The following SYT10 variants were observed in gnomAD, a reference collection of about 807,000 sequenced individuals.
The protein encoded by SYT10 is synaptotagmin 10, also known as synaptotagmin-10.
In SYT10, 31 loss-of-function variants were observed where a neutral mutation model predicts 51.1. That is an observed-to-expected ratio of 0.61 (90% confidence interval 0.46 to 0.82). The LOEUF (loss-of-function observed/expected upper bound fraction) is 0.82. Among genes scored for constraint, SYT10 ranks in the 40% least tolerant of loss-of-function variants. The pLI, the probability that SYT10 is intolerant of heterozygous loss-of-function variation, is 0.00. For synonymous variants in SYT10, 233 were observed against 225.9 expected (o/e 1.03, Z -0.28); for missense variants, 603 against 634.0 (o/e 0.95, Z 0.53).
chr12:33,427,602 T>C (rs1442365027), intron 1 of SYT10, among the ~76,000 whole-genome samples: 1 of 152,148 alleles, frequency 6.6e-6, no homozygotes, highest in Non-Finnish European at 1.5e-5. Context: ...TCCTGAAAAA[T>C]AAAACGAAAA....
At position 33,406,815 on chromosome 12, in the gene SYT10, A is replaced by T. The variant is rs1216393360; in HGVS notation, c.1051T>A (p.Trp351Arg). Residue 351 changes from tryptophan (W) to arginine (R), a missense_variant, in exon 3 of 7, where the codon TGG becomes AGG. Transcript: ENST00000228567. ...VSDLSREATV[W>R]KDIHCATTES... Reference sequence around the variant, plus strand: ...GTGGTAGCACAGTGAATATCTTTCCATACTGTGGCTTCCCTGGAGAGATCA... The same window carrying T: ...GTGGTAGCACAGTGAATATCTTTCCTTACTGTGGCTTCCCTGGAGAGATCA... 2 of 1,612,668 alleles carry T rather than the reference A, an allele frequency of 1.2e-6. No individual in the cohort carries two copies. Among genetic ancestry groups the T allele is most frequent in the South Asian group, 2.2e-5 (2 of 90,766 alleles).
intron 2 of SYT10, among the ~76,000 whole-genome samples, chr12:33,409,006 T>C (rs567597609): frequency 4.7e-4 from 71 of 152,284 alleles, no homozygotes; most frequent in African/African-American, 1.4e-3. Flanking sequence ...CCATATATTT[T>C]GCTTTCTCTA....
At chr12:33,378,123 T>C (rs962177391) in intron 6 of SYT10, among the ~76,000 whole-genome samples, 2 of 152,198 alleles carry the variant, frequency 1.3e-5, no homozygotes, top group African/African-American at 4.8e-5. Flanking sequence ...CTAGTGAATG[T>C]AGGAGCAGGG....
chr12:33,380,046 A>G lies in SYT10; in HGVS notation c.1371-85T>C, dbSNP rs1866100911. ...CAAATCGTAGTAGAATTTTAAAAATATGATTAAAACATTAGATTCTGTAAT... is the reference window on the plus strand; with the variant it reads ...CAAATCGTAGTAGAATTTTAAAAATGTGATTAAAACATTAGATTCTGTAAT... On this transcript the variant is annotated intron_variant, in intron 5 of 6. Coordinates refer to ENST00000228567, the MANE Select transcript of SYT10 (RefSeq NM_198992.4). The G allele has an allele frequency of 2.7e-5, 39 of 1,439,242 alleles. No homozygotes were observed. In the East Asian group the frequency reaches 8.7e-4, roughly 32 times the overall value. 89.2% of individuals were successfully genotyped at this position (1,439,242 alleles called of 1,614,324 possible).
rs562544554 is a variant in SYT10 at position 33,434,351 on chromosome 12, A to G, written c.151+5021T>C. 9.8e-5 allele frequency among the ~76,000 whole-genome samples: 15 copies of G among 152,300 alleles called. 1 individual carries two copies. Among genetic ancestry groups the G allele is most frequent in the African/African-American group, 3.4e-4 (14 of 41,556 alleles). ...TAAACTAGATATTTTGTATGTCTAT[A>G]TAGGATATTGTATTAGATACTGGTG... is the stretch of plus-strand genomic sequence containing the variant. On this transcript the variant is annotated intron_variant, in intron 1 of 6. Coordinates refer to ENST00000228567, the MANE Select transcript of SYT10 (RefSeq NM_198992.4).
intron 2 of SYT10, among the ~76,000 whole-genome samples, chr12:33,410,848 A>G (rs1024867470): frequency 6.6e-6 from 1 of 152,236 alleles, no homozygotes; most frequent in African/African-American, 2.4e-5. Context: ...GAAAAAATAC[A>G]GAAATATACA....
intron 3 of SYT10, among the ~76,000 whole-genome samples, chr12:33,404,000 C>T (rs1866329639): frequency 6.6e-6 from 1 of 152,064 alleles, no homozygotes; most frequent in African/African-American, 2.4e-5. Context: ...AGGAGAATGC[C>T]CTTTTATTAG....
chr12:33,380,022 A>G, intron 5 of SYT10, 61 bp from the exon 6 acceptor site: 1 of 1,519,294 alleles, frequency 6.6e-7, no homozygotes, highest in South Asian at 1.3e-5. Context: ...GGGGTTTCAC[A>G]AATCGTAGTA....
rs140943984 is a variant in SYT10, at chr12:33,386,539, C to A, written c.1078-1248G>T. 3.9e-4 allele frequency among the ~76,000 whole-genome samples: 60 copies of A among 151,968 alleles called. 1 individual carries two copies. The highest frequency in any genetic ancestry group is 1.3e-3 in the African/African-American group (54 of 41,438). On this transcript the variant is annotated intron_variant, in intron 3 of 6. Coordinates refer to ENST00000228567, the MANE Select transcript of SYT10 (RefSeq NM_198992.4). ...TTCTTTCTCTTAAATCTTTATATGGCTGACTTCTTACCATGCAGAACTCAA... is the reference window on the plus strand; with the variant it reads ...TTCTTTCTCTTAAATCTTTATATGGATGACTTCTTACCATGCAGAACTCAA...
At chr12:33,430,484 T>C (rs190094733) in intron 1 of SYT10, among the ~76,000 whole-genome samples, 11 of 152,318 alleles carry the variant, frequency 7.2e-5, no homozygotes, top group African/African-American at 1.7e-4. Context: ...GCAGCTAACA[T>C]GATCATGCAG....
At chr12:33,410,397 T>G (rs1446492600) in intron 2 of SYT10, among the ~76,000 whole-genome samples, 1 of 152,210 alleles carries the variant, frequency 6.6e-6, no homozygotes, top group Non-Finnish European at 1.5e-5. Flanking sequence ...GTATTGAAAC[T>G]AATTCAACCT....
chr12:33,379,713 T>C (rs1866097076), intron 6 of SYT10, 119 bp downstream of exon 6: 1 of 1,344,096 alleles, frequency 7.4e-7, no homozygotes, highest in Non-Finnish European at 1.0e-6. Flanking sequence ...AAGAACAATC[T>C]TTTCTATTTT....
chr12:33,385,245 G>C lies in SYT10; in HGVS notation c.1124C>G (p.Pro375Arg). Residue 375 changes from proline to arginine, a missense_variant, in exon 4 of 7, where the codon CCG (proline) becomes CGG (arginine). Pro to Arg is a moderately radical substitution (Grantham distance 103). Coordinates refer to ENST00000228567, the MANE Select transcript of SYT10 (RefSeq NM_198992.4). ...TGTCAATGTCATACGCCCAGCCGTCGGTAGGTAACAAAGGGAAAACATGAT... is the reference window on the plus strand; with the variant it reads ...TGTCAATGTCATACGCCCAGCCGTCCGTAGGTAACAAAGGGAAAACATGAT... ...GEIMFSLCYL[P>R]TAGRMTLTVI... 1.2e-6 allele frequency: 2 copies of C among 1,613,566 alleles called. No individual in the cohort carries two copies. The highest frequency in any genetic ancestry group is 1.7e-6 in the Non-Finnish European group (2 of 1,179,736).
At chr12:33,400,518 A>G (rs1288458636) in intron 3 of SYT10, among the ~76,000 whole-genome samples, 2 of 152,078 alleles carry the variant, frequency 1.3e-5, no homozygotes, top group Non-Finnish European at 2.9e-5. Context: ...GGTCAATGTG[A>G]TATACACAAG....
chr12:33,406,778 T>C lies in SYT10; in HGVS notation c.1077+11A>G. ...AATAAAAAACAATATATTGGTGGAA[T>C]TACTACTTACTGTGGTAGCACAGTG... On this transcript the variant is annotated intron_variant, in intron 3 of 6. Coordinates refer to ENST00000228567, the MANE Select transcript of SYT10 (RefSeq NM_198992.4). 6.3e-7 allele frequency: 1 copy of C among 1,579,460 alleles called. No homozygotes were observed. Among genetic ancestry groups the C allele is most frequent in the South Asian group, 1.2e-5 (1 of 85,428 alleles).
rs1866551932 is a variant in SYT10, at chr12:33,426,329, T to C, written c.318A>G (p.Glu106=). The C allele has an allele frequency of 6.2e-7, 1 of 1,613,974 alleles. No homozygotes were observed. The highest frequency in any genetic ancestry group is 1.1e-5 in the South Asian group (1 of 91,080). Residue 106 remains glutamate, a synonymous_variant, in exon 2 of 7, where the codon GAA becomes GAG. Coordinates refer to ENST00000228567, the MANE Select transcript of SYT10 (RefSeq NM_198992.4). ...CTTTTTTCTCTTCAGTCTCAAAAAC[T>C]TCAGTAGGAGCACTTGAAATGCTCT... ...LPQSISSAPT[E]VFETEEKKEI...
intron 1 of SYT10, among the ~76,000 whole-genome samples, chr12:33,426,989 C>A: frequency 6.6e-6 from 1 of 152,098 alleles, no homozygotes; most frequent in East Asian, 1.9e-4. Context: ...GAATGAGACA[C>A]TATTAGTTAC....
intron 2 of SYT10, among the ~76,000 whole-genome samples, chr12:33,411,175 C>A (rs1866401442): frequency 6.6e-6 from 1 of 152,048 alleles, no homozygotes; most frequent in Non-Finnish European, 1.5e-5. Context: ...TAATGGTTAT[C>A]CTATTTGATT....
intron 1 of SYT10, among the ~76,000 whole-genome samples, chr12:33,437,682 G>A (rs2138444819): frequency 6.6e-6 from 1 of 152,140 alleles, no homozygotes; most frequent in Non-Finnish European, 1.5e-5. Context: ...CTCTCATTTC[G>A]TCCAGTGTAG....
Sources: allele counts gnomAD v4.1 joint callset (sites outside exome capture counted in the v4.1 genomes callset), GRCh38; gene constraint gnomAD v4.1.1; transcripts MANE v1.5; gene names NCBI Gene and HGNC (gene_info 2026-07-23, HGNC 2026-07-21).